TOX: variants seen among roughly 807,000 people sequenced by gnomAD.
The protein encoded by TOX is thymocyte selection associated high mobility group box.
Under a neutral mutation model 53.7 loss-of-function variants are expected in TOX, and 11 were observed. That is an observed-to-expected ratio of 0.20 (90% CI 0.13 to 0.34). The LOEUF (loss-of-function observed/expected upper bound fraction) is 0.34, where lower values mean the gene tolerates loss of function less well. Ranked by LOEUF, TOX falls within the 10% of genes least tolerant of loss-of-function variation. The pLI, the probability that TOX is intolerant of heterozygous loss-of-function variation, is 1.00. For missense variants in TOX, 570 were observed against 664.6 expected (o/e 0.86, Z 1.56); for synonymous variants, 225 against 245.3 (o/e 0.92, Z 0.77).
At chr8:59,040,278 G>C (rs866447012) in intron 1 of TOX, among the ~76,000 whole-genome samples, 1 of 137,990 alleles carries the variant, frequency 7.2e-6, no homozygotes, top group Non-Finnish European at 1.5e-5. Flanking sequence ...GCAGTGAGCC[G>C]AGATCCCGCC....
intron 1 of TOX, among the ~76,000 whole-genome samples, chr8:59,001,651 C>T (rs927752219): frequency 8.5e-5 from 13 of 152,162 alleles, no homozygotes; most frequent in African/African-American, 1.4e-4. Flanking sequence ...GTTAAGAATG[C>T]ATTCGTGGAA....
In TOX at chr8:58,868,664, T is replaced by G. The variant is rs115095119; in HGVS notation, c.412-16859A>C. Among the ~76,000 whole-genome samples, 612 of 152,086 alleles carry G rather than the reference T, an allele frequency of 4.0e-3. 6 individuals carry two copies. Among genetic ancestry groups the G allele is most frequent in the African/African-American group, 0.014 (581 of 41,506 alleles). On this transcript the variant is annotated intron_variant, in intron 3 of 8. Coordinates refer to ENST00000361421, the MANE Select transcript of TOX (RefSeq NM_014729.3). ...GAAAATAAAGGTACAACAATAAAAT[T>G]TGTGGGATGCAGCCGAAGCAGTGCT...
intron 3 of TOX, among the ~76,000 whole-genome samples, chr8:58,854,756 C>T (rs545060170): frequency 2.6e-5 from 4 of 152,186 alleles, no homozygotes; most frequent in Admixed American, 6.5e-5. Context: ...GTCTTCAGTC[C>T]TCAGATACAC....
rs139632021 is a variant in TOX, at chr8:58,965,122, C to T, written c.103-5114G>A. Among the ~76,000 whole-genome samples, 739 of 152,266 alleles carry T rather than the reference C, an allele frequency of 4.9e-3. 2 individuals are homozygous for T. Among genetic ancestry groups the T allele is most frequent in the Non-Finnish European group, 6.2e-3 (421 of 68,020 alleles). ...ACTTTTCAAAATATATCTAAGCATA[C>T]TAGGGCTTTTAATTTCCATGTATTC... On this transcript the variant is annotated intron_variant, in intron 1 of 8. Transcript: ENST00000361421.
chr8:58,927,902 G>C (rs1400910031), intron 3 of TOX, among the ~76,000 whole-genome samples: 2 of 152,084 alleles, frequency 1.3e-5, no homozygotes, highest in Non-Finnish European at 2.9e-5. Flanking sequence ...GGCCTGCCAG[G>C]GTTCAAGTGC....
Position 58,815,373 on chromosome 8 carries a change from C to T in TOX, c.1357G>A (p.Val453Ile). ...GTGGGTGAGTGTAAGGCAGACTGGA[C>T]CTGCATGGGGAGCTGGTTCCCAAGG... The part of the protein sequence containing the change: ...QPLGNQLPMQ[V>I]QSALHSPTMQ... Residue 453 changes from valine (V) to isoleucine (I), a missense_variant, in exon 7 of 9, where the codon GTC becomes ATC. By Grantham distance (29) the Val-to-Ile change is conservative. Coordinates refer to ENST00000361421, the MANE Select transcript of TOX (RefSeq NM_014729.3). 1 of 1,610,538 alleles carries T rather than the reference C, an allele frequency of 6.2e-7. No individual in the cohort carries two copies. The highest frequency in any genetic ancestry group is 8.5e-7 in the Non-Finnish European group (1 of 1,178,430).
intron 2 of TOX, among the ~76,000 whole-genome samples, chr8:58,945,349 A>C (rs555867341): frequency 5.3e-5 from 8 of 152,340 alleles, no homozygotes; most frequent in African/African-American, 1.7e-4. Flanking sequence ...TGAGACTATT[A>C]ATGGAATCAA....
intron 1 of TOX, among the ~76,000 whole-genome samples, chr8:59,053,357 G>T (rs748019704): frequency 9.2e-5 from 14 of 152,090 alleles, no homozygotes; most frequent in Non-Finnish European, 1.0e-4. Context: ...GGAACACATG[G>T]TTGTGTCTGC....
At position 59,117,810 on chromosome 8, in the gene TOX, G is replaced by T. The variant is rs1460073094; in HGVS notation, c.102+1076C>A. On this transcript the variant is annotated intron_variant, in intron 1 of 8. Coordinates refer to ENST00000361421, the MANE Select transcript of TOX (RefSeq NM_014729.3). The surrounding 1 kb of genome is among the most constrained non-coding windows in gnomAD (Gnocchi z 4.6). ...CGAGAGTTGGGCGTCTAAAAGGCCC[G>T]CCCAGCGTTTTAGAGAACTCAATTC... is the stretch of plus-strand genomic sequence containing the variant. 5.3e-5 allele frequency among the ~76,000 whole-genome samples: 8 copies of T among 152,160 alleles called. No individual in the cohort carries two copies. The highest frequency in any genetic ancestry group is 5.2e-4 in the Admixed American group (8 of 15,282).
At chr8:58,922,465 T>G (rs1269085129) in intron 3 of TOX, among the ~76,000 whole-genome samples, 2 of 152,220 alleles carry the variant, frequency 1.3e-5, no homozygotes, top group Non-Finnish European at 2.9e-5. Flanking sequence ...CTGTGACCTT[T>G]CCTATAGCCT....
At chr8:58,867,988 C>A (rs757272000) in intron 3 of TOX, among the ~76,000 whole-genome samples, 2 of 152,058 alleles carry the variant, frequency 1.3e-5, no homozygotes, top group Non-Finnish European at 2.9e-5. Flanking sequence ...GTGTACCCAC[C>A]CAAATCTCAT....
At chr8:58,808,410 G>T (rs1296454931) in intron 7 of TOX, 141 bp from the exon 8 acceptor site, 2 of 1,059,642 alleles carry the variant, frequency 1.9e-6, no homozygotes, top group Non-Finnish European at 2.6e-6. Context: ...GAAGAGCCCA[G>T]AAAATTTAAA....
chr8:58,998,523 A>AAAATATAAATT (rs59892356), intron 1 of TOX, among the ~76,000 whole-genome samples: 22 of 45,042 alleles, frequency 4.9e-4, no homozygotes, highest in Middle Eastern at 8.3e-3. Flanking sequence ...ATATATATAT[A>AAAATATAAATT]TATATATATA....
chr8:58,938,319 G>A lies in TOX; in HGVS notation c.411+983C>T, dbSNP rs143942449. 6.4e-3 allele frequency among the ~76,000 whole-genome samples: 974 copies of A among 152,272 alleles called. 13 individuals carry two copies. Among genetic ancestry groups the A allele is most frequent in the African/African-American group, 0.022 (924 of 41,562 alleles). Reference sequence around the variant, plus strand: ...GAAATGTGTTTTTTAATATTGGCAAGTTAATTAATTTATTCATTGTGAAAA... The same window carrying A: ...GAAATGTGTTTTTTAATATTGGCAAATTAATTAATTTATTCATTGTGAAAA... On this transcript the variant is annotated intron_variant, in intron 3 of 8. Coordinates refer to ENST00000361421, the MANE Select transcript of TOX (RefSeq NM_014729.3).
At chr8:59,102,381 C>T (rs1390765097) in intron 1 of TOX, among the ~76,000 whole-genome samples, 2 of 152,136 alleles carry the variant, frequency 1.3e-5, no homozygotes, top group East Asian at 3.9e-4. Context: ...GCACATGCCA[C>T]CACACCTGGC....
At chr8:58,878,945 C>G (rs376554693) in intron 3 of TOX, among the ~76,000 whole-genome samples, 1 of 151,668 alleles carries the variant, frequency 6.6e-6, no homozygotes, top group African/African-American at 2.4e-5. Flanking sequence ...CCTGTAGTCC[C>G]AGCTACCCTG....
At chr8:59,083,699 C>CCTACACCT (rs1295724236) in intron 1 of TOX, among the ~76,000 whole-genome samples, 1 of 152,128 alleles carries the variant, frequency 6.6e-6, no homozygotes, top group Non-Finnish European at 1.5e-5. Context: ...CTGCTACTGA[C>CCTACACCT]AATAATGTAG....
At chr8:58,914,498 C>T (rs1345301738) in intron 3 of TOX, among the ~76,000 whole-genome samples, 2 of 152,062 alleles carry the variant, frequency 1.3e-5, no homozygotes, top group Non-Finnish European at 2.9e-5. Context: ...TTTTGCCTTC[C>T]AGAAGATATT....
At chr8:58,822,203 G>C (rs889902861) in intron 6 of TOX, among the ~76,000 whole-genome samples, 2 of 152,210 alleles carry the variant, frequency 1.3e-5, no homozygotes, top group Non-Finnish European at 2.9e-5. Flanking sequence ...TCTGTAGTCA[G>C]AGAAAATTAA....
Sources: gnomAD v4.1 joint callset for allele counts (sites outside exome capture counted in the v4.1 genomes callset) on GRCh38, gnomAD v4.1.1 for gene constraint, Gnocchi (gnomAD v3.1) non-coding constraint, MANE v1.5 for transcripts, NCBI Gene and HGNC (gene_info 2026-07-23, HGNC 2026-07-21) for gene names.